POMGNT2: variants seen among roughly 807,000 people sequenced by gnomAD.
POMGNT2 encodes protein O-linked mannose N-acetylglucosaminyltransferase 2 (beta 1,4-).
Under a neutral mutation model 37.8 loss-of-function variants are expected in POMGNT2, and 32 were observed. The ratio of observed to expected loss-of-function variants is 0.85; its 90% CI spans 0.64 to 1.14. The LOEUF (loss-of-function observed/expected upper bound fraction) is 1.14. POMGNT2 is among the 50% of genes most tolerant of loss of function. The probability of loss-of-function intolerance (pLI) is 0.00; values close to 1 mark genes in which losing one functional copy is unlikely to be tolerated. For synonymous variants in POMGNT2, 340 were observed against 336.8 expected, an observed-to-expected ratio of 1.01 and a Z score of -0.10; for missense variants, 705 against 780.6, an observed-to-expected ratio of 0.90 and a Z score of 1.15.
chr3:43,086,306 C>G (rs1198904192), intron 1 of POMGNT2, among the ~76,000 whole-genome samples: 2 of 152,208 alleles, frequency 1.3e-5, no homozygotes, highest in Non-Finnish European at 2.9e-5. Context: ...ACATCACCAT[C>G]ACTCAGTTGC....
chr3:43,080,228 C>G lies in POMGNT2; in HGVS notation c.1204G>C (p.Val402Leu). Residue 402 changes from valine (V) to leucine (L), a missense_variant, in exon 2 of 2, where the codon GTC (valine) becomes CTC (leucine). Physicochemically the swap from Val to Leu is conservative, Grantham distance 32 (BLOSUM62 1). Transcript: ENST00000344697. The part of the protein sequence containing the change: ...AWRNMMPENT[V>L]THPERPWDQG... ...TCCCAGGGCCGCTCAGGGTGTGTGA[C>G]TGTGTTCTCTGGCATCATGTTCCGC... 6.2e-7 allele frequency: 1 copy of G among 1,614,180 alleles called. No homozygotes were observed. The highest frequency in any genetic ancestry group is 8.5e-7 in the Non-Finnish European group (1 of 1,180,032).
chr3:43,104,967 T>C (rs983990790), intron 1 of POMGNT2, among the ~76,000 whole-genome samples: 2 of 152,340 alleles, frequency 1.3e-5, no homozygotes, highest in African/African-American at 4.8e-5. Flanking sequence ...GCACATATTG[T>C]AGTAAACATT....
At chr3:43,096,987 G>C (rs2089984254) in intron 1 of POMGNT2, among the ~76,000 whole-genome samples, 1 of 152,128 alleles carries the variant, frequency 6.6e-6, no homozygotes, top group Non-Finnish European at 1.5e-5. Flanking sequence ...AAATGCTGTT[G>C]CAACTGCAGA....
At position 43,080,438 on chromosome 3, in the gene POMGNT2, C is replaced by A. The variant is rs549430013; in HGVS notation, c.994G>T (p.Val332Leu). 1.2e-6 allele frequency: 2 copies of A among 1,614,194 alleles called. No homozygotes were observed. Among genetic ancestry groups the A allele is most frequent in the Non-Finnish European group, 1.7e-6 (2 of 1,180,040 alleles). Reference sequence around the variant, plus strand: ...ATGGAGGCATTGCTGACCAGCCGCACGACATCAGCAAAGGTGTGGTCCTCC... The same window carrying A: ...ATGGAGGCATTGCTGACCAGCCGCAAGACATCAGCAAAGGTGTGGTCCTCC... ...SLEDHTFADV[V>L]RLVSNASMLV... is the part of the protein sequence containing the mutation. Residue 332 changes from valine (V) to leucine (L), a missense_variant, in exon 2 of 2, where the codon GTG (valine) becomes TTG (leucine). By Grantham distance (32) the Val-to-Leu change is conservative. Transcript: ENST00000344697.
At chr3:43,090,305 A>C (rs975085386) in intron 1 of POMGNT2, among the ~76,000 whole-genome samples, 1 of 148,274 alleles carries the variant, frequency 6.7e-6, no homozygotes, top group Non-Finnish European at 1.5e-5. Context: ...ACATCTATCT[A>C]TATATTTTAC....
intron 1 of POMGNT2, among the ~76,000 whole-genome samples, chr3:43,083,101 T>TGGGC (rs1351350476): frequency 6.6e-6 from 1 of 152,134 alleles, no homozygotes; most frequent in Non-Finnish European, 1.5e-5. Flanking sequence ...ATCCAAAGGT[T>TGGGC]GGGCCCACAC....
intron 1 of POMGNT2, among the ~76,000 whole-genome samples, chr3:43,094,108 C>T (rs535501825): frequency 6.6e-6 from 1 of 152,184 alleles, no homozygotes; most frequent in Non-Finnish European, 1.5e-5. Flanking sequence ...CTACAAAACA[C>T]TGTCAGTCTA....
Position 43,080,581 on chromosome 3 carries a change from A to AG in POMGNT2, c.850dup (p.Leu284ProfsTer10). On this transcript the variant is annotated frameshift_variant, in exon 2 of 2. Transcript: ENST00000344697. LOFTEE classifies it high-confidence loss of function. ...AAAGACCAGAATGTACTCCTCGCCT[A>AG]GGGGGACTCCTGTGTGGCTCACGTT... 1 of 1,614,184 alleles carries AG rather than the reference A, an allele frequency of 6.2e-7. No homozygotes were observed. The highest frequency in any genetic ancestry group is 8.5e-7 in the Non-Finnish European group (1 of 1,180,012).
intron 1 of POMGNT2, among the ~76,000 whole-genome samples, chr3:43,083,065 C>A (rs184090551): frequency 1.1e-4 from 17 of 152,270 alleles, no homozygotes; most frequent in African/African-American, 3.6e-4. Context: ...TTCCTGGAGG[C>A]ATGAGATCTC....
rs1434175656 is a variant in POMGNT2 at position 43,081,255 on chromosome 3, G to A, written c.177C>T (p.Ile59=). Residue 59 remains isoleucine (I), a synonymous_variant, in exon 2 of 2, where the codon ATC becomes ATT. Transcript: ENST00000344697. ...LRIDYPKALQ[I]LMEGGTHMVC... Reference sequence around the variant, plus strand: ...CCATGTGTGTGCCGCCCTCCATCAGGATCTGCAGTGCCTTCGGGTAGTCGA... The same window carrying A: ...CCATGTGTGTGCCGCCCTCCATCAGAATCTGCAGTGCCTTCGGGTAGTCGA... The A allele has an allele frequency of 1.9e-6, 3 of 1,613,656 alleles. No individual in the cohort carries two copies. Among genetic ancestry groups the A allele is most frequent in the Non-Finnish European group, 1.7e-6 (2 of 1,180,038 alleles).
chr3:43,083,352 C>A (rs1003718026), intron 1 of POMGNT2, among the ~76,000 whole-genome samples: 1 of 152,206 alleles, frequency 6.6e-6, no homozygotes, highest in Non-Finnish European at 1.5e-5. Flanking sequence ...TGTTCTCAAG[C>A]CTGGCTGATT....
At chr3:43,089,179 G>C (rs958133558) in intron 1 of POMGNT2, among the ~76,000 whole-genome samples, 1 of 152,208 alleles carries the variant, frequency 6.6e-6, no homozygotes, top group Non-Finnish European at 1.5e-5. Context: ...CGAGAACTAA[G>C]GCCACCAAAG....
At chr3:43,097,511 G>C (rs1394342706) in intron 1 of POMGNT2, among the ~76,000 whole-genome samples, 1 of 152,066 alleles carries the variant, frequency 6.6e-6, no homozygotes, top group East Asian at 1.9e-4. Context: ...AGGGGGAAAG[G>C]GAGGGAGAAA....
rs772319958 is a variant in POMGNT2 at position 43,081,103 on chromosome 3, C to T, written c.329G>A (p.Arg110Gln). 16 of 1,614,152 alleles carry T rather than the reference C, an allele frequency of 9.9e-6. No individual in the cohort carries two copies. The highest frequency in any genetic ancestry group is 6.6e-5 in the South Asian group (6 of 91,082). The change falls in exon 2 of 2, where the codon CGG becomes CAG. Residue 110 changes from arginine to glutamine, a missense_variant. Coordinates refer to ENST00000344697, the MANE Select transcript of POMGNT2 (RefSeq NM_032806.6). ...TSVMLPNLGS[R>Q]RFQPALLDLS... ...GTCGAGCAGGGCTGGCTGGAAGCGC[C>T]GGGAGCCCAGGTTGGGCAGCATGAC...
intron 1 of POMGNT2, among the ~76,000 whole-genome samples, chr3:43,104,013 G>A (rs1319366955): frequency 1.3e-5 from 2 of 152,110 alleles, no homozygotes; most frequent in African/African-American, 2.4e-5. Flanking sequence ...TCTCAGCCAG[G>A]CACAGTGCTA....
In POMGNT2 at chr3:43,081,162, A is replaced by G; in HGVS notation, c.270T>C (p.Ala90=). The G allele has an allele frequency of 6.2e-7, 1 of 1,614,230 alleles. No individual in the cohort carries two copies. The highest frequency in any genetic ancestry group is 8.5e-7 in the Non-Finnish European group (1 of 1,180,046). The change falls in exon 2 of 2, where the codon GCT becomes GCC. Residue 90 remains alanine, a synonymous_variant. Coordinates refer to ENST00000344697, the MANE Select transcript of POMGNT2 (RefSeq NM_032806.6). ...RFKWLCYSNE[A]EEFIFFHGNT... Reference sequence around the variant, plus strand: ...TGCCATGGAAGAAGATGAACTCCTCAGCCTCGTTGGAGTAGCAGAGCCACT... The same window carrying G: ...TGCCATGGAAGAAGATGAACTCCTCGGCCTCGTTGGAGTAGCAGAGCCACT...
chr3:43,099,037 TGAA>T (rs1259723362), intron 1 of POMGNT2, among the ~76,000 whole-genome samples: 1 of 152,098 alleles, frequency 6.6e-6, no homozygotes, highest in Non-Finnish European at 1.5e-5. Flanking sequence ...TAAACGGGGA[TGAA>T]ACAGGGAACA....
chr3:43,086,651 A>G (rs1227318602), intron 1 of POMGNT2, among the ~76,000 whole-genome samples: 1 of 152,218 alleles, frequency 6.6e-6, no homozygotes, highest in Non-Finnish European at 1.5e-5. Context: ...GACACTGGAC[A>G]TGCTGCTATG....
chr3:43,099,722 C>A (rs1280509399), intron 1 of POMGNT2, among the ~76,000 whole-genome samples: 1 of 152,078 alleles, frequency 6.6e-6, no homozygotes, highest in Non-Finnish European at 1.5e-5. Context: ...CGCTTTATGG[C>A]AGCCAGGTCC....
Sources: allele counts gnomAD v4.1 joint callset (sites outside exome capture counted in the v4.1 genomes callset), GRCh38; gene constraint gnomAD v4.1.1; transcripts MANE v1.5; gene names NCBI Gene and HGNC (gene_info 2026-07-23, HGNC 2026-07-21).